SLIT3: variants seen among roughly 807,000 people sequenced by gnomAD.
SLIT3 encodes slit guidance ligand 3.
A neutral mutation model predicts 184.0 loss-of-function variants in SLIT3; 68 were observed. That is an observed-to-expected ratio of 0.37 (90% CI 0.30 to 0.45). The LOEUF (loss-of-function observed/expected upper bound fraction) is 0.45, where lower values mean the gene tolerates loss of function less well. Among genes scored for constraint, SLIT3 ranks in the 20% least tolerant of loss-of-function variants. SLIT3 has a pLI of 1.00. For synonymous variants in SLIT3, 831 were observed against 828.6 expected, an observed-to-expected ratio of 1.00 and a Z score of -0.05; for missense variants, 1,707 against 2,026.0, an observed-to-expected ratio of 0.84 and a Z score of 3.02.
intron 4 of SLIT3, among the ~76,000 whole-genome samples, chr5:169,070,757 T>C (rs1255023481): frequency 6.8e-6 from 1 of 146,116 alleles, no homozygotes; most frequent in Non-Finnish European, 1.5e-5. Context: ...CATAGTGCTG[T>C]CTACCAACAT....
chr5:168,709,987 A>G (rs1259078348), intron 25 of SLIT3: 3 of 152,258 alleles, frequency 2.0e-5, no homozygotes. Flanking sequence ...GACCTTAAAA[A>G]TAATAATGTA....
chr5:168,952,528 C>CAAAAAAAAAAAAAAAAAAAAAAAAAAAAA (rs372134778), intron 4 of SLIT3, among the ~76,000 whole-genome samples: 1 of 77,930 alleles, frequency 1.3e-5, no homozygotes, highest in African/African-American at 5.9e-5. Flanking sequence ...GGGAAAATGC[C>CAAAAAAAAAAAAAAAAAAAAAAAAAAAAA]AAAAAAAAAA....
At chr5:168,977,061 G>A (rs1392679996) in intron 4 of SLIT3, among the ~76,000 whole-genome samples, 1 of 152,132 alleles carries the variant, frequency 6.6e-6, no homozygotes, top group South Asian at 2.1e-4. Flanking sequence ...GGGGAACAAA[G>A]GGGCCCAGGA....
At chr5:169,003,599 G>A (rs1254627225) in intron 4 of SLIT3, among the ~76,000 whole-genome samples, 1 of 152,244 alleles carries the variant, frequency 6.6e-6, no homozygotes, top group Non-Finnish European at 1.5e-5. Flanking sequence ...AGTGGGCTGT[G>A]TATTTGTGCC....
intron 4 of SLIT3, among the ~76,000 whole-genome samples, chr5:169,094,066 T>C (rs1009836267): frequency 3.3e-5 from 5 of 152,210 alleles, no homozygotes; most frequent in Non-Finnish European, 5.9e-5. Flanking sequence ...ATCCCATTTA[T>C]AGATGATGGA....
chr5:169,199,003 T>A (rs1366222625), intron 3 of SLIT3, among the ~76,000 whole-genome samples: 1 of 148,340 alleles, frequency 6.7e-6, no homozygotes, highest in Admixed American at 6.9e-5. Flanking sequence ...TATATATATA[T>A]ATAAATACAC....
At chr5:169,042,207 C>G (rs1299443915) in intron 4 of SLIT3, among the ~76,000 whole-genome samples, 1 of 152,112 alleles carries the variant, frequency 6.6e-6, no homozygotes, top group Non-Finnish European at 1.5e-5. Flanking sequence ...CCCCTCAATA[C>G]CTTCATACAG....
intron 4 of SLIT3, among the ~76,000 whole-genome samples, chr5:169,093,316 C>T (rs922972728): frequency 3.9e-5 from 6 of 152,310 alleles, no homozygotes; most frequent in Non-Finnish European, 7.4e-5. Context: ...AAAGAAAACC[C>T]TCTTCTCCCA....
At chr5:169,271,539 AG>A (rs1766614082) in intron 1 of SLIT3, among the ~76,000 whole-genome samples, 2 of 152,264 alleles carry the variant, frequency 1.3e-5, no homozygotes, top group East Asian at 3.9e-4. Context: ...GAGGGGGTAG[AG>A]GGTTTCAGGA....
At chr5:168,956,504 T>C (rs1762831317) in intron 4 of SLIT3, among the ~76,000 whole-genome samples, 2 of 152,150 alleles carry the variant, frequency 1.3e-5, no homozygotes, top group Admixed American at 1.3e-4. Flanking sequence ...TCATAAAGAA[T>C]CACAGAGGGG....
intron 4 of SLIT3, among the ~76,000 whole-genome samples, chr5:168,923,936 A>G (rs539096829): frequency 2.0e-5 from 3 of 152,252 alleles, no homozygotes; most frequent in African/African-American, 7.2e-5. Flanking sequence ...GCCACGCTCA[A>G]TCATTTACAT....
rs544857756 is a variant in SLIT3 at position 168,662,911 on chromosome 5, T to A, written c.*3543A>T. On this transcript the variant is annotated 3_prime_UTR_variant, in exon 36 of 36. Coordinates refer to ENST00000519560, the MANE Select transcript of SLIT3 (RefSeq NM_003062.4). ...ACTGCTCAAGGAGAGAGCGTTTTAA[T>A]CATCATTTGTTAGAGGAGCCTCATT... 2 of 152,376 alleles carry A rather than the reference T, an allele frequency of 1.3e-5. No individual in the cohort carries two copies. Among genetic ancestry groups the A allele is most frequent in the Admixed American group, 6.5e-5 (1 of 15,310 alleles). The allele number at this position is 152,376 out of a possible 1,614,324, so 9.4% of individuals were successfully genotyped here.
At chr5:169,085,702 C>A (rs990256406) in intron 4 of SLIT3, among the ~76,000 whole-genome samples, 9 of 152,210 alleles carry the variant, frequency 5.9e-5, no homozygotes, top group Admixed American at 2.0e-4. Context: ...AAATCGTCGT[C>A]TTAAAGGGAC....
chr5:168,779,321 G>T (rs1477537721), intron 12 of SLIT3, among the ~76,000 whole-genome samples: 1 of 152,168 alleles, frequency 6.6e-6, no homozygotes, highest in East Asian at 1.9e-4. Context: ...AGGCGGTGGA[G>T]GTACCCTGTT....
chr5:168,970,388 G>A (rs899592403), intron 4 of SLIT3, among the ~76,000 whole-genome samples: 19 of 151,914 alleles, frequency 1.3e-4, no homozygotes, highest in South Asian at 4.1e-4. Flanking sequence ...CCAGCTACGC[G>A]GGAGGCTGGG....
chr5:169,111,827 G>A (rs1410975032), intron 4 of SLIT3, among the ~76,000 whole-genome samples: 2 of 152,212 alleles, frequency 1.3e-5, no homozygotes, highest in African/African-American at 2.4e-5. Context: ...AGTGTGTACT[G>A]CAGTTTCGGA....
At chr5:168,730,296 T>C (rs1230875967) in intron 20 of SLIT3, among the ~76,000 whole-genome samples, 1 of 152,064 alleles carries the variant, frequency 6.6e-6, no homozygotes, top group African/African-American at 2.4e-5. Flanking sequence ...GGTAACACCC[T>C]ACTGACAGCA....
At chr5:168,752,691 G>T (rs1231767307) in intron 18 of SLIT3, 2 of 458,138 alleles carry the variant, frequency 4.4e-6, no homozygotes, top group Non-Finnish European at 7.9e-6. Context: ...CACCATGCCT[G>T]GCCTTCCAGC....
At chr5:169,249,758 G>T (rs960882094) in intron 2 of SLIT3, among the ~76,000 whole-genome samples, 2 of 152,208 alleles carry the variant, frequency 1.3e-5, no homozygotes, top group African/African-American at 2.4e-5. Context: ...TCTGATCCAC[G>T]CACACCTTGT....
Sources: allele counts gnomAD v4.1 joint callset (sites outside exome capture counted in the v4.1 genomes callset), GRCh38; gene constraint gnomAD v4.1.1; transcripts MANE v1.5; gene names NCBI Gene and HGNC (gene_info 2026-07-23, HGNC 2026-07-21).